MYBBP1A: variants seen among roughly 807,000 people sequenced by gnomAD.
MYBBP1A encodes myb-binding protein 1A.
MYBBP1A carries 147 observed loss-of-function variants against 136.3 expected under a neutral mutation model. The ratio of observed to expected loss-of-function variants is 1.08; its 90% CI spans 0.94 to 1.24. The LOEUF (loss-of-function observed/expected upper bound fraction) is 1.24. Ranked by LOEUF, MYBBP1A falls within the 50% of genes most tolerant of loss-of-function variation. The pLI is 0.00. For missense variants in MYBBP1A, 2,060 were observed against 1,727.4 expected (o/e 1.19, Z -3.41); for synonymous variants, 947 against 735.8 (o/e 1.29, Z -4.65).
chr17:4,543,690 ATC>A (rs138452631), intron 19 of MYBBP1A, among the ~76,000 whole-genome samples: 1,809 of 151,970 alleles, frequency 0.012, 32 homozygotes, highest in African/African-American at 0.042. Context: ...CCTCCTGACT[ATC>A]CACGCAGCGC....
rs2144490686 is a variant in MYBBP1A, at chr17:4,550,306, G to A, written c.1071C>T (p.Gly357=). ...KFAPEMDDYV[G]TFLEGCQDDP... ...CATCCTGGCACCCCTCTAGGAAGGT[G>A]CCCACGTAATCGTCCATCTCTGGGG... is the stretch of plus-strand genomic sequence containing the variant. The change falls in exon 9 of 26, where the codon GGC becomes GGT. Residue 357 remains glycine (G), a synonymous_variant. Coordinates refer to ENST00000254718, the MANE Select transcript of MYBBP1A (RefSeq NM_014520.4). 3 of 1,613,184 alleles carry A rather than the reference G, an allele frequency of 1.9e-6. No individual in the cohort carries two copies. The highest frequency in any genetic ancestry group is 1.1e-5 in the South Asian group (1 of 91,076).
intron 19 of MYBBP1A, among the ~76,000 whole-genome samples, chr17:4,543,965 G>A (rs767630079): frequency 1.3e-5 from 2 of 152,170 alleles, no homozygotes; most frequent in South Asian, 2.1e-4. Context: ...GAGGGTGCGG[G>A]GGTCTGTGGC....
intron 13 of MYBBP1A, among the ~76,000 whole-genome samples, chr17:4,546,848 G>A (rs1907058072): frequency 1.3e-5 from 2 of 151,904 alleles, no homozygotes; most frequent in South Asian, 4.2e-4. Context: ...CAAAGCCCTT[G>A]TCATTGCTCT....
In MYBBP1A at chr17:4,544,881, T is replaced by G. The variant is rs1479530015; in HGVS notation, c.2351A>C (p.Glu784Ala). ...GCTCTGGTCCAGGGCCATCATGGCC[T>G]CATCCCCCAGCTCCTCCTCGTTCTC... ...DSENEEELGD[E>A]AMMALDQSLA... Residue 784 changes from glutamate (E) to alanine (A), a missense_variant, in exon 18 of 26, where the codon GAG (glutamate) becomes GCG (alanine). Transcript: ENST00000254718. 11 of 1,607,420 alleles carry G rather than the reference T, an allele frequency of 6.8e-6. No homozygotes were observed. The East Asian group carries it at 1.8e-4, about 26-fold the overall frequency.
Position 4,544,839 on chromosome 17 carries a change from G to A in MYBBP1A, c.2393C>T (p.Ala798Val). 6.2e-7 allele frequency: 1 copy of A among 1,607,826 alleles called. No individual in the cohort carries two copies. The highest frequency in any genetic ancestry group is 8.5e-7 in the Non-Finnish European group (1 of 1,177,598). Reference protein sequence around the residue: ...ALDQSLASLFAEQKLRIQARR... With the variant: ...ALDQSLASLFVEQKLRIQARR... ...GGCCTGGATACGCAGCTTCTGCTCG[G>A]CAAAGAGGCTGGCGAGGCTCTGGTC... The change falls in exon 18 of 26, where the codon GCC (alanine) becomes GTC (valine). Residue 798 changes from alanine (A) to valine (V), a missense_variant. Coordinates refer to ENST00000254718, the MANE Select transcript of MYBBP1A (RefSeq NM_014520.4).
In MYBBP1A at chr17:4,550,362, G is replaced by A. The variant is rs145824545; in HGVS notation, c.1024-9C>T. ...TTGAACTGCTTTGGGAGCTGCAAGAGTTAGGCATGGCGCTGAGCCCACCAG... is the reference window on the plus strand; with the variant it reads ...TTGAACTGCTTTGGGAGCTGCAAGAATTAGGCATGGCGCTGAGCCCACCAG... On this transcript the variant is annotated splice_polypyrimidine_tract_variant and intron_variant, in intron 8 of 25. Coordinates refer to ENST00000254718, the MANE Select transcript of MYBBP1A (RefSeq NM_014520.4). 1.3e-4 allele frequency: 211 copies of A among 1,606,934 alleles called. 2 individuals carry two copies. The Middle Eastern group carries it at 4.6e-3, about 35-fold the overall frequency.
chr17:4,539,897 G>C lies in MYBBP1A; in HGVS notation c.3505C>G (p.Arg1169Gly). Residue 1169 changes from arginine to glycine, a missense_variant, in exon 26 of 26, where the codon CGG becomes GGG. Transcript: ENST00000254718. ...SATQSPISKK[R>G]KKKGFLPETK... ...TCTGGCAAGAATCCCTTTTTCTTCC[G>C]CTTCTTACTGATGGGGCTCTGGGTG... 1 of 1,601,192 alleles carries C rather than the reference G, an allele frequency of 6.2e-7. No individual in the cohort carries two copies. The highest frequency in any genetic ancestry group is 8.5e-7 in the Non-Finnish European group (1 of 1,179,918).
intron 19 of MYBBP1A, 21 bp downstream of exon 19, chr17:4,544,468 G>A (rs758015451): frequency 5.9e-5 from 91 of 1,544,806 alleles, no homozygotes; most frequent in South Asian, 2.7e-4. Context: ...ACACCTGCCC[G>A]CCCTGCACCC....
Position 4,548,134 on chromosome 17 carries a change from C to A in MYBBP1A, c.1724+9G>T. ...TCCTGCCCACCCCCTGGAAATCCCA[C>A]GTGCTCACCGGTCCCAGGCCTGGCG... is the stretch of plus-strand genomic sequence containing the variant. On this transcript the variant is annotated intron_variant, in intron 12 of 25. Coordinates refer to ENST00000254718, the MANE Select transcript of MYBBP1A (RefSeq NM_014520.4). This position sits in a 1 kb window ranked among gnomAD's most constrained non-coding sequence, Gnocchi z 4.2. 6.2e-7 allele frequency: 1 copy of A among 1,604,372 alleles called. No homozygotes were observed. The highest frequency in any genetic ancestry group is 8.5e-7 in the Non-Finnish European group (1 of 1,179,760).
intron 4 of MYBBP1A, 36 bp from the exon 5 acceptor site, chr17:4,553,953 G>T: frequency 3.1e-6 from 5 of 1,613,238 alleles, no homozygotes; most frequent in Non-Finnish European, 4.2e-6. Context: ...TATGAGCAGG[G>T]CACACGACTG....
intron 25 of MYBBP1A, among the ~76,000 whole-genome samples, 155 bp from the exon 26 acceptor site, chr17:4,540,122 T>C (rs1420338960): frequency 1.2e-3 from 184 of 149,492 alleles, no homozygotes; most frequent in Admixed American, 2.1e-3. Flanking sequence ...ATGAGGGTCC[T>C]GCGAGGCCCC....
chr17:4,554,293 G>C lies in MYBBP1A; in HGVS notation c.295-15C>G. On this transcript the variant is annotated splice_polypyrimidine_tract_variant and intron_variant, in intron 2 of 25. Transcript: ENST00000254718. ...GACTGTAACAGCTGCCAGGAGTTGT[G>C]TGGCAGGAGGAAGAGGGTTCAGGAG... 2 of 1,612,282 alleles carry C rather than the reference G, an allele frequency of 1.2e-6. No homozygotes were observed. The highest frequency in any genetic ancestry group is 2.2e-5 in the East Asian group (1 of 44,882).
At chr17:4,545,498 C>A in intron 15 of MYBBP1A, 112 bp downstream of exon 15, 1 of 1,494,922 alleles carries the variant, frequency 6.7e-7, no homozygotes, top group South Asian at 1.3e-5. Context: ...AGACCCCTCC[C>A]ACCGGCCGCA....
rs201338762 is a variant in MYBBP1A at position 4,545,308 on chromosome 17, C to T, written c.2111G>A (p.Arg704His). The change falls in exon 16 of 26, where the codon CGT (arginine) becomes CAT (histidine). Residue 704 changes from arginine to histidine, a missense_variant. Physicochemically the swap from Arg to His is conservative, Grantham distance 29. Coordinates refer to ENST00000254718, the MANE Select transcript of MYBBP1A (RefSeq NM_014520.4). ...NPETSEDENDRVVVTDDSDER... is the reference protein window; with the variant it reads ...NPETSEDENDHVVVTDDSDER... ...ATCAGAATCGTCCGTCACCACCACA[C>T]GGTCATTCTCATCCTCACTGGTCTC... 2.5e-4 allele frequency: 408 copies of T among 1,613,352 alleles called. 1 individual carries two copies. Among genetic ancestry groups the T allele is most frequent in the South Asian group, 2.5e-4 (23 of 91,056 alleles).
chr17:4,539,909 T>G lies in MYBBP1A; in HGVS notation c.3493A>C (p.Ile1165Leu). The change falls in exon 26 of 26, where the codon ATC (isoleucine) becomes CTC (leucine). Residue 1165 changes from isoleucine (I) to leucine (L), a missense_variant. Transcript: ENST00000254718. The stretch of plus-strand genomic sequence containing the variant: ...CCCTTTTTCTTCCGCTTCTTACTGA[T>G]GGGGCTCTGGGTGGCACTGGGGATC... ...KEIPSATQSP[I>L]SKKRKKKGFL... 1 of 1,600,430 alleles carries G rather than the reference T, an allele frequency of 6.2e-7. No homozygotes were observed.
chr17:4,542,403 G>T, intron 22 of MYBBP1A, 61 bp downstream of exon 22: 1 of 1,526,520 alleles, frequency 6.6e-7, no homozygotes, highest in Non-Finnish European at 8.9e-7. Context: ...TATCCAGTCA[G>T]AAGAGGGTTA....
chr17:4,542,537 T>C lies in MYBBP1A; in HGVS notation c.3019-5A>G. 1.2e-6 allele frequency: 2 copies of C among 1,612,078 alleles called. No individual in the cohort carries two copies. The highest frequency in any genetic ancestry group is 1.7e-6 in the Non-Finnish European group (2 of 1,178,766). Reference sequence around the variant, plus strand: ...GAGCAGGCTCTGACAGAGCACCTGGTGGGGAGTGACAAGGGCTGTGAGGTG... The same window carrying C: ...GAGCAGGCTCTGACAGAGCACCTGGCGGGGAGTGACAAGGGCTGTGAGGTG... On this transcript the variant is annotated splice_region_variant and splice_polypyrimidine_tract_variant and intron_variant, in intron 21 of 25. Coordinates refer to ENST00000254718, the MANE Select transcript of MYBBP1A (RefSeq NM_014520.4).
chr17:4,540,221 TGTGTGCAGCAGCATGCGTGTGCA>T (rs1464522256), intron 25 of MYBBP1A, 104 bp downstream of exon 25: 1 of 1,318,960 alleles, frequency 7.6e-7, no homozygotes, highest in Non-Finnish European at 1.0e-6. Context: ...TGAGTGCATG[TGTGTGCAGCAGCATGCGTGTGCA>T]GTGTGCGTGT....
chr17:4,554,916 C>G lies in MYBBP1A; in HGVS notation c.239G>C (p.Gly80Ala), dbSNP rs1209204000. 6.2e-7 allele frequency: 1 copy of G among 1,613,464 alleles called. No individual in the cohort carries two copies. Among genetic ancestry groups the G allele is most frequent in the African/African-American group, 1.3e-5 (1 of 74,910 alleles). ...GGCTGTTTCTCGCCCGACCCCGAGTCCCGTGATTAGACGCTTCAGGGCATA... is the reference window on the plus strand; with the variant it reads ...GGCTGTTTCTCGCCCGACCCCGAGTGCCGTGATTAGACGCTTCAGGGCATA... ...MKYALKRLIT[G>A]LGVGRETARP... The change falls in exon 2 of 26, where the codon GGA becomes GCA. Residue 80 changes from glycine (G) to alanine (A), a missense_variant. By Grantham distance (60) the Gly-to-Ala change is moderately conservative (BLOSUM62 0). Coordinates refer to ENST00000254718, the MANE Select transcript of MYBBP1A (RefSeq NM_014520.4).
Sources: allele counts gnomAD v4.1 joint callset (sites outside exome capture counted in the v4.1 genomes callset), GRCh38; gene constraint gnomAD v4.1.1; non-coding constraint Gnocchi (gnomAD v3.1); transcripts MANE v1.5; gene names NCBI Gene and HGNC (gene_info 2026-07-23, HGNC 2026-07-21).